The following PRDM16 variants were observed in gnomAD, a reference collection of about 807,000 sequenced individuals.
PRDM16 encodes PR/SET domain 16.
PRDM16 carries 23 observed loss-of-function variants against 110.6 expected under a neutral mutation model. The observed-to-expected ratio is 0.21, with a 90% confidence interval of 0.15 to 0.29. PRDM16 has a LOEUF of 0.29. PRDM16 is among the 10% of genes least tolerant of loss of function. The pLI is 1.00. For synonymous variants in PRDM16, 799 were observed against 781.8 expected (o/e 1.02, Z -0.37); for missense variants, 1,615 against 1,794.3 (o/e 0.90, Z 1.81).
intron 1 of PRDM16, chr1:3,128,130 G>A: frequency 6.5e-6 from 1 of 154,792 alleles, no homozygotes. Flanking sequence ...GAGAGAGACA[G>A]TCATTCTGAG....
rs918524762 is a variant in PRDM16, at chr1:3,426,181, T to C, written c.3240T>C (p.Ile1080=). 3.1e-6 allele frequency: 5 copies of C among 1,613,634 alleles called. No homozygotes were observed. In the African/African-American group the frequency reaches 4.0e-5, roughly 13 times the overall value. The change falls in exon 14 of 17, where the codon ATT becomes ATC. Residue 1080 remains isoleucine, a synonymous_variant. Coordinates refer to ENST00000270722, the MANE Select transcript of PRDM16 (RefSeq NM_022114.4). The stretch of plus-strand genomic sequence containing the variant: ...ATTTCTCGGAAATCAGAAACTTTAT[T>C]GCCAATAGTGAGATGAACCAAGCAT... ...DSYFSEIRNF[I]ANSEMNQAST...
At chr1:3,313,606 C>A (rs1292534470) in intron 3 of PRDM16, among the ~76,000 whole-genome samples, 7 of 152,236 alleles carry the variant, frequency 4.6e-5, no homozygotes, top group Admixed American at 1.3e-4. Flanking sequence ...CCTCCCAGCC[C>A]CTCACCTGCG....
chr1:3,310,409 C>T (rs997054763), intron 3 of PRDM16, among the ~76,000 whole-genome samples: 1 of 152,196 alleles, frequency 6.6e-6, no homozygotes, highest in Admixed American at 6.5e-5. Context: ...TGACCCTGAG[C>T]CGTCTTTCAA....
intron 2 of PRDM16, among the ~76,000 whole-genome samples, chr1:3,200,958 A>G (rs1638609070): frequency 6.8e-6 from 1 of 146,406 alleles, no homozygotes; most frequent in Admixed American, 6.8e-5. Context: ...AGGAGAGAGA[A>G]GAGGGAGAAG....
intron 3 of PRDM16, among the ~76,000 whole-genome samples, chr1:3,375,494 G>A (rs999801504): frequency 2.0e-5 from 3 of 152,242 alleles, no homozygotes; most frequent in Non-Finnish European, 4.4e-5. Context: ...GAGGTGCCAC[G>A]AAGGACGAGC....
Position 3,232,543 on chromosome 1 carries a change from G to A in PRDM16, c.388-11544G>A, listed in dbSNP as rs571004566. 1.1e-4 allele frequency among the ~76,000 whole-genome samples: 17 copies of A among 152,286 alleles called. No homozygotes were observed. In the South Asian group the frequency reaches 3.5e-3, roughly 32 times the overall value. The stretch of plus-strand genomic sequence containing the variant: ...TCTGGCCTCCTTGGCTTGCAAGTTT[G>A]CGGAACTCAGAAATGCGAGTCCACA... On this transcript the variant is annotated intron_variant, in intron 2 of 16. Transcript: ENST00000270722.
chr1:3,371,638 C>T (rs1393979862), intron 3 of PRDM16, among the ~76,000 whole-genome samples: 7 of 152,228 alleles, frequency 4.6e-5, no homozygotes, highest in African/African-American at 1.2e-4. Flanking sequence ...CCTGACTGAA[C>T]ACTGATCCTG....
chr1:3,271,499 C>T (rs138325580), intron 3 of PRDM16, among the ~76,000 whole-genome samples: 238 of 152,314 alleles, frequency 1.6e-3, no homozygotes, highest in African/African-American at 5.6e-3. Context: ...AACCCAAGGC[C>T]GTTGTCCTGC....
intron 1 of PRDM16, among the ~76,000 whole-genome samples, chr1:3,106,188 T>C (rs981407579): frequency 6.6e-6 from 1 of 152,216 alleles, no homozygotes; most frequent in African/African-American, 2.4e-5. Flanking sequence ...GGGGAGCCTG[T>C]CTTCCAAAGA....
intron 3 of PRDM16, among the ~76,000 whole-genome samples, chr1:3,277,253 T>A (rs1640607096): frequency 6.6e-6 from 1 of 152,136 alleles, no homozygotes; most frequent in Non-Finnish European, 1.5e-5. Context: ...CACGGCTGGA[T>A]CTTGCAAACA....
intron 1 of PRDM16, among the ~76,000 whole-genome samples, chr1:3,146,865 G>C (rs1348554621): frequency 8.1e-6 from 1 of 123,914 alleles, no homozygotes; most frequent in Non-Finnish European, 1.6e-5. Flanking sequence ...TGGGGTGTGT[G>C]TGCACGTGTG....
intron 2 of PRDM16, among the ~76,000 whole-genome samples, chr1:3,212,628 G>A (rs1282290999): frequency 6.1e-5 from 9 of 148,098 alleles, no homozygotes; most frequent in African/African-American, 1.7e-4. Context: ...AGGTCCTCCC[G>A]CTCATCCTCC....
At chr1:3,217,344 G>T (rs920469079) in intron 2 of PRDM16, among the ~76,000 whole-genome samples, 9 of 152,234 alleles carry the variant, frequency 5.9e-5, no homozygotes, top group Non-Finnish European at 7.3e-5. Flanking sequence ...TTCAGAAGAC[G>T]CTGCAGCAGC....
chr1:3,428,125 T>C (rs1004821206), intron 14 of PRDM16, among the ~76,000 whole-genome samples: 31 of 152,098 alleles, frequency 2.0e-4, no homozygotes, highest in African/African-American at 7.2e-4. Flanking sequence ...CTGAACCACC[T>C]GGAGGACAGC....
At chr1:3,340,835 A>G (rs1221133931) in intron 3 of PRDM16, among the ~76,000 whole-genome samples, 9 of 152,234 alleles carry the variant, frequency 5.9e-5, no homozygotes, top group Non-Finnish European at 1.0e-4. Flanking sequence ...GGGTGGCTGA[A>G]GGCAGAAGGC....
chr1:3,114,492 G>A (rs115656545), intron 1 of PRDM16, among the ~76,000 whole-genome samples: 2,504 of 145,876 alleles, frequency 0.017, 35 homozygotes, highest in Non-Finnish European at 0.025. Context: ...ACGCACGCAC[G>A]CACACACGCG....
At chr1:3,305,121 G>T (rs1186093392) in intron 3 of PRDM16, among the ~76,000 whole-genome samples, 1 of 152,164 alleles carries the variant, frequency 6.6e-6, no homozygotes, top group East Asian at 1.9e-4. Flanking sequence ...AAGCCTACAG[G>T]TGCCAGCAGG....
intron 3 of PRDM16, among the ~76,000 whole-genome samples, chr1:3,336,609 TGA>T (rs1203798322): frequency 3.3e-5 from 5 of 150,984 alleles, no homozygotes; most frequent in African/African-American, 1.2e-4. Context: ...TGTGTTGGTG[TGA>T]GTCTGTGAGT....
rs529690258 is a variant in PRDM16 at position 3,357,828 on chromosome 1, T to C, written c.439-27324T>C. On this transcript the variant is annotated intron_variant, in intron 3 of 16. Coordinates refer to ENST00000270722, the MANE Select transcript of PRDM16 (RefSeq NM_022114.4). Reference sequence around the variant, plus strand: ...CTGCTGGCATCTGGTAGCTGGCACGTAGGAGCCCTGCCCCACATCCTGCAG... The same window carrying C: ...CTGCTGGCATCTGGTAGCTGGCACGCAGGAGCCCTGCCCCACATCCTGCAG... Among the ~76,000 whole-genome samples the C allele has an allele frequency of 1.8e-3, 278 of 152,318 alleles. 1 individual carries two copies. The highest frequency in any genetic ancestry group is 4.3e-4 in the Non-Finnish European group (29 of 68,028).
Sources: allele counts gnomAD v4.1 joint callset (sites outside exome capture counted in the v4.1 genomes callset), GRCh38; gene constraint gnomAD v4.1.1; transcripts MANE v1.5; gene names NCBI Gene and HGNC (gene_info 2026-07-23, HGNC 2026-07-21).